RASAL2: variants seen among roughly 807,000 people sequenced by gnomAD.
The protein encoded by RASAL2 is ras GTPase-activating protein nGAP.
A neutral mutation model predicts 128.9 loss-of-function variants in RASAL2; 58 were observed. The observed-to-expected ratio is 0.45, with a 90% CI of 0.36 to 0.56. RASAL2 has a LOEUF of 0.56. Among genes scored for constraint, RASAL2 ranks in the 20% least tolerant of loss-of-function variants. RASAL2 has a pLI of 0.00. For missense variants in RASAL2, 1,360 were observed against 1,601.6 expected (o/e 0.85, Z 2.57); for synonymous variants, 561 against 580.8 (o/e 0.97, Z 0.49).
At chr1:178,423,155 A>G (rs1675270080) in intron 5 of RASAL2, among the ~76,000 whole-genome samples, 1 of 152,064 alleles carries the variant, frequency 6.6e-6, no homozygotes, top group East Asian at 1.9e-4. Flanking sequence ...TTAACAACTG[A>G]ATCTTTGTAT....
In RASAL2 at chr1:178,300,060, C is replaced by T. The variant is rs928618250; in HGVS notation, c.399C>T (p.Val133=). 2 of 1,613,934 alleles carry T rather than the reference C, an allele frequency of 1.2e-6. No homozygotes were observed. The highest frequency in any genetic ancestry group is 1.7e-6 in the Non-Finnish European group (2 of 1,179,900). The change falls in exon 3 of 18, where the codon GTC becomes GTT. Residue 133 remains valine, a synonymous_variant. Transcript: ENST00000367649. Reference sequence around the variant, plus strand: ...AAGGGCGATGCCTGAGGAGAACTGTCAGTGTCCCTTCCGAGGGTCAGTTTC... The same window carrying T: ...AAGGGCGATGCCTGAGGAGAACTGTTAGTGTCCCTTCCGAGGGTCAGTTTC... ...STKGRCLRRT[V]SVPSEGQFPE... is the part of the protein sequence containing the mutation.
intron 17 of RASAL2, 56 bp from the exon 18 acceptor site, chr1:178,473,019 A>G: frequency 6.3e-7 from 1 of 1,587,648 alleles, no homozygotes; most frequent in East Asian, 2.2e-5. Context: ...TTCAGTAAAG[A>G]AAGCGTGTTA....
intron 1 of RASAL2, among the ~76,000 whole-genome samples, chr1:178,135,496 TAAAAAA>T (rs1207102103): frequency 2.6e-5 from 3 of 116,374 alleles, no homozygotes; most frequent in Non-Finnish European, 3.4e-5. Context: ...TGTCTCTTCA[TAAAAAA>T]AAAAAAAAAA....
chr1:178,445,699 CT>C, intron 9 of RASAL2, 37 bp downstream of exon 9: 1 of 1,571,828 alleles, frequency 6.4e-7, no homozygotes, highest in Admixed American at 1.8e-5. Flanking sequence ...CTTTTATTTA[CT>C]TTTCAGTTTT....
intron 3 of RASAL2, among the ~76,000 whole-genome samples, chr1:178,359,957 T>TC (rs1305285770): frequency 1.3e-5 from 2 of 152,108 alleles, no homozygotes; most frequent in African/African-American, 4.8e-5. Flanking sequence ...AAGCTTCAGG[T>TC]CCCACAACAC....
Position 178,380,895 on chromosome 1 carries a change from C to T in RASAL2, c.458-9205C>T, listed in dbSNP as rs532168969. On this transcript the variant is annotated intron_variant, in intron 3 of 17. Coordinates refer to ENST00000367649, the MANE Select transcript of RASAL2 (RefSeq NM_170692.4). ...TTTAGTTTGGTACCCAAAACTAAAA[C>T]GCATATAATCAAAGAATATGAACTT... 9.2e-5 allele frequency among the ~76,000 whole-genome samples: 14 copies of T among 152,042 alleles called. No individual in the cohort carries two copies. In the South Asian group the frequency reaches 1.0e-3, roughly 11 times the overall value.
At chr1:178,183,754 G>A (rs1295544623) in intron 1 of RASAL2, among the ~76,000 whole-genome samples, 1 of 152,190 alleles carries the variant, frequency 6.6e-6, no homozygotes, top group African/African-American at 2.4e-5. Flanking sequence ...TATGAATAAA[G>A]TTGGTATAAA....
At chr1:178,262,214 T>C (rs1268485664) in intron 1 of RASAL2, among the ~76,000 whole-genome samples, 1 of 152,168 alleles carries the variant, frequency 6.6e-6, no homozygotes, top group Non-Finnish European at 1.5e-5. Context: ...CTCCTTGTAT[T>C]GTTAGGAAGG....
chr1:178,238,542 A>G (rs1664356823), intron 1 of RASAL2, among the ~76,000 whole-genome samples: 1 of 152,022 alleles, frequency 6.6e-6, no homozygotes, highest in African/African-American at 2.4e-5. Context: ...TGGTGCTGCT[A>G]CTTTATTATT....
intron 12 of RASAL2, chr1:178,456,500 C>CG: frequency 1.6e-6 from 1 of 630,516 alleles, no homozygotes; most frequent in East Asian, 2.6e-5. Flanking sequence ...TTTCTTTCCT[C>CG]GATGTCTGCC....
chr1:178,221,657 G>A (rs891743116), intron 1 of RASAL2, among the ~76,000 whole-genome samples: 2 of 152,082 alleles, frequency 1.3e-5, no homozygotes, highest in African/African-American at 4.8e-5. Context: ...ATTTGTTAAG[G>A]TGTGTTTTAT....
Position 178,236,756 on chromosome 1 carries a change from CTTTTTTTTTTTTTTT to C in RASAL2, c.203-46797_203-46783del, listed in dbSNP as rs549848632. On this transcript the variant is annotated intron_variant, in intron 1 of 17. Transcript: ENST00000367649. Reference sequence around the variant, plus strand: ...CTGTGATATTTTATATTGGACACTACTTTTTTTTTTTTTTTTTTTTTTTTTGAAACAGAGTCTTGC... The same window carrying C: ...CTGTGATATTTTATATTGGACACTACTTTTTTTTTTGAAACAGAGTCTTGC... Among the ~76,000 whole-genome samples, 1,047 of 118,466 alleles carry C rather than the reference CTTTTTTTTTTTTTTT, an allele frequency of 8.8e-3. 13 individuals are homozygous for C. The highest frequency in any genetic ancestry group is 0.033 in the African/African-American group (987 of 29,936). 77.7% of individuals were successfully genotyped at this position (118,466 alleles called of 152,430 possible). A position where few individuals can be genotyped will look rare whatever the true frequency, so the allele number is the denominator to read the frequency against.
intron 14 of RASAL2, 42 bp downstream of exon 14, chr1:178,458,586 A>G (rs1158471191): frequency 2.0e-6 from 3 of 1,531,672 alleles, no homozygotes; most frequent in African/African-American, 1.4e-5. Flanking sequence ...TACTTGGTCC[A>G]TCTGTTTCCT....
In RASAL2 at chr1:178,232,208, G is replaced by A. The variant is rs182978370; in HGVS notation, c.203-51356G>A. Among the ~76,000 whole-genome samples, 400 of 152,180 alleles carry A rather than the reference G, an allele frequency of 2.6e-3. 1 individual carries two copies. Among genetic ancestry groups the A allele is most frequent in the African/African-American group, 9.0e-3 (375 of 41,518 alleles). On this transcript the variant is annotated intron_variant, in intron 1 of 17. Transcript: ENST00000367649. ...TTCCATTTGAAACCCCTATTTTCAG[G>A]GGTTTATGAGCAGGCAGTTGAAAAG...
intron 1 of RASAL2, among the ~76,000 whole-genome samples, chr1:178,141,624 T>C (rs972121839): frequency 2.0e-5 from 3 of 152,102 alleles, no homozygotes; most frequent in Non-Finnish European, 4.4e-5. Flanking sequence ...TCCTGCTTAA[T>C]TGGGGCATAG....
intron 3 of RASAL2, among the ~76,000 whole-genome samples, chr1:178,321,623 C>A (rs1571854207): frequency 6.6e-6 from 1 of 151,984 alleles, no homozygotes. Context: ...GTGATCCTCC[C>A]CTGCCTCAGC....
At chr1:178,434,226 T>C (rs530610529) in intron 5 of RASAL2, among the ~76,000 whole-genome samples, 2 of 152,208 alleles carry the variant, frequency 1.3e-5, no homozygotes, top group South Asian at 4.1e-4. Context: ...TGTTATAACA[T>C]GGTACAGTTT....
intron 1 of RASAL2, among the ~76,000 whole-genome samples, chr1:178,160,887 C>G (rs1661264564): frequency 6.6e-6 from 1 of 152,130 alleles, no homozygotes; most frequent in South Asian, 2.1e-4. Context: ...ATTAAGTATG[C>G]TCATCACTCA....
intron 1 of RASAL2, among the ~76,000 whole-genome samples, chr1:178,161,893 A>G (rs1369806849): frequency 2.0e-5 from 3 of 151,790 alleles, no homozygotes; most frequent in African/African-American, 4.8e-5. Context: ...AGAAATGTCT[A>G]TTCAGATTCT....
Sources: allele counts gnomAD v4.1 joint callset (sites outside exome capture counted in the v4.1 genomes callset), GRCh38; gene constraint gnomAD v4.1.1; transcripts MANE v1.5; gene names NCBI Gene and HGNC (gene_info 2026-07-23, HGNC 2026-07-21).